Variants in UVRAG observed in about 807,000 individuals in gnomAD.
UVRAG encodes UV radiation resistance associated.
In UVRAG, 19 loss-of-function variants were observed where a neutral mutation model predicts 78.0. The ratio of observed to expected loss-of-function variants is 0.24; its 90% confidence interval spans 0.17 to 0.36. UVRAG has a LOEUF of 0.36. UVRAG is among the 10% of genes least tolerant of loss of function. The pLI is 1.00. For missense variants in UVRAG, 740 were observed against 853.8 expected (o/e 0.87, Z 1.66); for synonymous variants, 323 against 324.6 (o/e 1.00, Z 0.05).
At chr11:76,105,246 A>G (rs1421992417) in intron 13 of UVRAG, among the ~76,000 whole-genome samples, 1 of 152,084 alleles carries the variant, frequency 6.6e-6, no homozygotes, top group African/African-American at 2.4e-5. Context: ...TTCTACTAAA[A>G]ATACAAAAAT....
intron 14 of UVRAG, among the ~76,000 whole-genome samples, chr11:76,134,743 A>G (rs1174612920): frequency 6.6e-6 from 1 of 152,214 alleles, no homozygotes; most frequent in Non-Finnish European, 1.5e-5. Flanking sequence ...GCTAGTGTCT[A>G]TGCCAGGCAT....
At chr11:76,116,303 A>G (rs1480975141) in intron 14 of UVRAG, among the ~76,000 whole-genome samples, 2 of 152,232 alleles carry the variant, frequency 1.3e-5, no homozygotes, top group African/African-American at 4.8e-5. Context: ...ACTGGAAGAC[A>G]GCCAGTATGA....
At chr11:75,990,872 A>G (rs1456581904) in intron 8 of UVRAG, among the ~76,000 whole-genome samples, 4 of 152,238 alleles carry the variant, frequency 2.6e-5, no homozygotes. Flanking sequence ...TAGGCATGGT[A>G]TAGTACCTGG....
rs769390519 is a variant in UVRAG, at chr11:75,871,282, C to CTT, written c.271-8577_271-8576dup. Among the ~76,000 whole-genome samples, 590 of 124,378 alleles carry CTT rather than the reference C, an allele frequency of 4.7e-3. 10 individuals are homozygous for CTT. The highest frequency in any genetic ancestry group is 7.9e-3 in the Non-Finnish European group (461 of 58,574). 81.6% of individuals were successfully genotyped at this position (124,378 alleles called of 152,430 possible). A position where few individuals can be genotyped will look rare whatever the true frequency, so the allele number is the denominator to read the frequency against. ...TATGAACTTTTACATGGCATATGCC[C>CTT]TTTTTTTTTTTTTTTTTTTTTGAGG... is the stretch of plus-strand genomic sequence containing the variant. On this transcript the variant is annotated intron_variant, in intron 3 of 14. Coordinates refer to ENST00000356136, the MANE Select transcript of UVRAG (RefSeq NM_003369.4).
chr11:76,115,359 C>T (rs1310003475), intron 13 of UVRAG, among the ~76,000 whole-genome samples: 1 of 152,174 alleles, frequency 6.6e-6, no homozygotes, highest in East Asian at 1.9e-4. Context: ...AAATACAGAG[C>T]ACAGCCTCTG....
chr11:76,140,601 C>G, intron 14 of UVRAG, 110 bp from the exon 15 acceptor site: 1 of 1,068,740 alleles, frequency 9.4e-7, no homozygotes, highest in Non-Finnish European at 1.3e-6. Flanking sequence ...TGATTCTTAT[C>G]TATTTTTATT....
At chr11:76,045,134 C>T (rs1242131256) in intron 12 of UVRAG, among the ~76,000 whole-genome samples, 2 of 152,146 alleles carry the variant, frequency 1.3e-5, no homozygotes, top group Non-Finnish European at 2.9e-5. Flanking sequence ...GATGTTTACT[C>T]TAGAGAGGTC....
At chr11:75,916,776 A>T (rs1441608072) in intron 6 of UVRAG, 1 of 152,180 alleles carries the variant, frequency 6.6e-6, no homozygotes, top group Non-Finnish European at 1.5e-5. Context: ...GGGAAACCTG[A>T]TTAGTTGGGT....
intron 12 of UVRAG, among the ~76,000 whole-genome samples, chr11:76,032,938 C>T (rs1294207199): frequency 6.6e-6 from 1 of 152,102 alleles, no homozygotes; most frequent in East Asian, 1.9e-4. Flanking sequence ...ATTAAACTTA[C>T]CTTCAAAGAT....
At chr11:75,829,583 G>C (rs947361886) in intron 1 of UVRAG, among the ~76,000 whole-genome samples, 1 of 152,208 alleles carries the variant, frequency 6.6e-6, no homozygotes, top group Non-Finnish European at 1.5e-5. Context: ...GCAAGACAGA[G>C]ACACTGCCTT....
At chr11:76,108,525 G>A (rs79224793) in intron 13 of UVRAG, among the ~76,000 whole-genome samples, 2,002 of 152,282 alleles carry the variant, frequency 0.013, 37 homozygotes, top group African/African-American at 0.044. Context: ...TGACGTCATA[G>A]TTGATCTGTC....
intron 9 of UVRAG, among the ~76,000 whole-genome samples, chr11:76,006,174 C>G (rs1370341287): frequency 6.6e-6 from 1 of 152,124 alleles, no homozygotes; most frequent in Non-Finnish European, 1.5e-5. Context: ...ACACTCTTAT[C>G]GCTCAGGAAA....
At chr11:75,821,947 T>G (rs1471873931) in intron 1 of UVRAG, among the ~76,000 whole-genome samples, 3 of 150,448 alleles carry the variant, frequency 2.0e-5, no homozygotes, top group Admixed American at 6.6e-5. Context: ...CACTGTTTTT[T>G]TTTTTTTTTT....
At chr11:76,055,650 G>A (rs1950968190) in intron 12 of UVRAG, among the ~76,000 whole-genome samples, 1 of 152,104 alleles carries the variant, frequency 6.6e-6, no homozygotes, top group African/African-American at 2.4e-5. Context: ...ATTAACCAGA[G>A]CTCAGTATTT....
chr11:76,032,900 A>G (rs900995440), intron 12 of UVRAG, among the ~76,000 whole-genome samples: 19 of 152,352 alleles, frequency 1.2e-4, no homozygotes, highest in African/African-American at 4.6e-4. Context: ...GTATAAGAGA[A>G]GAGTATTAAT....
chr11:75,892,456 T>TA, intron 5 of UVRAG: 1 of 929,790 alleles, frequency 1.1e-6, no homozygotes, highest in Non-Finnish European at 1.3e-6. Context: ...ATGCTGGCAC[T>TA]ATTCTAAACA....
intron 12 of UVRAG, among the ~76,000 whole-genome samples, chr11:76,036,764 C>CA (rs1341076802): frequency 6.7e-6 from 1 of 150,036 alleles, no homozygotes; most frequent in East Asian, 1.9e-4. Flanking sequence ...ATATTAAGAA[C>CA]AAAAAAAGGA....
intron 6 of UVRAG, among the ~76,000 whole-genome samples, chr11:75,943,625 C>T (rs537894353): frequency 1.3e-5 from 2 of 152,186 alleles, no homozygotes; most frequent in Non-Finnish European, 1.5e-5. Context: ...CTATAACTGT[C>T]GCTTCATCAG....
chr11:76,048,530 C>G (rs778410898), intron 12 of UVRAG, among the ~76,000 whole-genome samples: 7 of 152,110 alleles, frequency 4.6e-5, no homozygotes, highest in Admixed American at 1.3e-4. Context: ...GATCAGTGAT[C>G]CTTGGAATTT....
Sources: allele counts gnomAD v4.1 joint callset (sites outside exome capture counted in the v4.1 genomes callset), GRCh38; gene constraint gnomAD v4.1.1; transcripts MANE v1.5; gene names NCBI Gene and HGNC (gene_info 2026-07-23, HGNC 2026-07-21).